Variants in ROBO2 observed in about 807,000 individuals in gnomAD.
ROBO2 encodes the protein roundabout homolog 2.
Under a neutral mutation model 160.8 loss-of-function variants are expected in ROBO2, and 53 were observed. The observed-to-expected ratio is 0.33, with a 90% confidence interval of 0.26 to 0.41. The LOEUF is 0.41. ROBO2 is among the 10% of genes least tolerant of loss of function. ROBO2 has a pLI of 1.00. For missense variants in ROBO2, 1,577 were observed against 1,722.4 expected (o/e 0.92, Z 1.49); for synonymous variants, 664 against 611.7 (o/e 1.09, Z -1.26).
intron 2 of ROBO2, among the ~76,000 whole-genome samples, chr3:76,294,654 C>T (rs1017602580): frequency 6.6e-6 from 1 of 152,076 alleles, no homozygotes; most frequent in Non-Finnish European, 1.5e-5. Context: ...ATAGTAGAGA[C>T]AGGAACTGTC....
chr3:76,811,822 C>CTTCCTTCCTTCCTTCT (rs1311247500), intron 2 of ROBO2, among the ~76,000 whole-genome samples: 20 of 68,546 alleles, frequency 2.9e-4, no homozygotes, highest in Non-Finnish European at 5.5e-4. Flanking sequence ...TCCTTCCTTC[C>CTTCCTTCCTTCCTTCT]TTCCTTCCTT....
intron 2 of ROBO2, among the ~76,000 whole-genome samples, chr3:76,968,891 A>G (rs1184928518): frequency 2.0e-5 from 3 of 152,130 alleles, no homozygotes; most frequent in Admixed American, 2.0e-4. Flanking sequence ...AAGAGTTGGT[A>G]TTTCCAATTT....
At chr3:76,179,029 T>C (rs1382363564) in intron 2 of ROBO2, among the ~76,000 whole-genome samples, 2 of 152,120 alleles carry the variant, frequency 1.3e-5, no homozygotes, top group African/African-American at 4.8e-5. Flanking sequence ...AAAGGGTATT[T>C]TAAGTTAGAA....
intron 2 of ROBO2, among the ~76,000 whole-genome samples, chr3:76,550,979 C>T (rs1004467731): frequency 4.0e-5 from 6 of 151,676 alleles, no homozygotes; most frequent in East Asian, 2.0e-4. Context: ...GGTTCCTGGG[C>T]GGAAAGTGTT....
chr3:76,381,057 T>G (rs965496357), intron 2 of ROBO2, among the ~76,000 whole-genome samples: 1 of 145,158 alleles, frequency 6.9e-6, no homozygotes. Context: ...AAAAAGCAGA[T>G]AAATAGCACA....
intron 1 of ROBO2, among the ~76,000 whole-genome samples, chr3:77,063,075 G>A (rs2066484469): frequency 6.6e-6 from 1 of 152,170 alleles, no homozygotes; most frequent in South Asian, 2.1e-4. Flanking sequence ...GAATACTGTA[G>A]AGCATCATCA....
intron 6 of ROBO2, among the ~76,000 whole-genome samples, chr3:77,533,246 A>G (rs1027835810): frequency 1.3e-5 from 2 of 152,132 alleles, no homozygotes; most frequent in Non-Finnish European, 2.9e-5. Flanking sequence ...GCATTTTCCT[A>G]TAAGACTCTC....
intron 5 of ROBO2, among the ~76,000 whole-genome samples, chr3:77,504,827 A>G (rs2088230933): frequency 6.6e-6 from 1 of 152,238 alleles, no homozygotes; most frequent in Non-Finnish European, 1.5e-5. Flanking sequence ...AACTATATAC[A>G]AACTATGATA....
chr3:77,375,729 C>T (rs1253065969), intron 2 of ROBO2, among the ~76,000 whole-genome samples: 1 of 152,178 alleles, frequency 6.6e-6, no homozygotes. Flanking sequence ...CTAGGACAAA[C>T]ATTGATGTGT....
chr3:77,119,248 T>C (rs1053289388), intron 2 of ROBO2, among the ~76,000 whole-genome samples: 1 of 152,200 alleles, frequency 6.6e-6, no homozygotes, highest in African/African-American at 2.4e-5. Flanking sequence ...TTACCCAGTC[T>C]CAGGTAGTTC....
chr3:75,913,881 T>C (rs1448745234), intron 1 of ROBO2, among the ~76,000 whole-genome samples: 2 of 152,170 alleles, frequency 1.3e-5, no homozygotes, highest in Admixed American at 1.3e-4. Flanking sequence ...CAAACATTCG[T>C]TGTGAATATT....
chr3:77,277,525 C>T (rs1482546573), intron 2 of ROBO2, among the ~76,000 whole-genome samples: 1 of 152,088 alleles, frequency 6.6e-6, no homozygotes, highest in Non-Finnish European at 1.5e-5. Context: ...CATCGTTCAT[C>T]TCTCACTTAT....
chr3:77,084,209 C>T lies in ROBO2; in HGVS notation c.62-13805C>T, dbSNP rs547810699. Among the ~76,000 whole-genome samples the T allele has an allele frequency of 2.6e-5, 4 of 151,980 alleles. No individual in the cohort carries two copies. The South Asian group carries it at 8.4e-4, about 32-fold the overall frequency. On this transcript the variant is annotated intron_variant, in intron 1 of 25. Coordinates refer to ENST00000461745, the Ensembl canonical transcript of ROBO2. ...TAAAAAAAATTTCAACAGCAGTGAG[C>T]GCATCACTAAAACACTAAAATTCAG...
intron 2 of ROBO2, among the ~76,000 whole-genome samples, chr3:76,812,415 C>T (rs1390589622): frequency 2.0e-5 from 3 of 146,934 alleles, no homozygotes; most frequent in Non-Finnish European, 4.4e-5. Context: ...ATTTGAGCAT[C>T]GCAGCCCTTA....
intron 2 of ROBO2, among the ~76,000 whole-genome samples, chr3:77,321,414 G>T (rs1047181109): frequency 1.3e-5 from 2 of 152,030 alleles, no homozygotes; most frequent in African/African-American, 4.8e-5. Context: ...CTGCTTGGGC[G>T]GTTGAGATAG....
intron 2 of ROBO2, among the ~76,000 whole-genome samples, chr3:77,217,393 T>G (rs1367979728): frequency 6.6e-6 from 1 of 152,136 alleles, no homozygotes; most frequent in East Asian, 1.9e-4. Context: ...TCTACCTGCC[T>G]CGGCCTCCCA....
At chr3:77,646,712 A>G (rs575776526) in exon 26 of ROBO2, 2 of 152,518 alleles carry the variant, frequency 1.3e-5, no homozygotes, top group South Asian at 4.1e-4. Flanking sequence ...AGTCAATAAA[A>G]AAAATAGTAG....
At chr3:76,011,350 A>G (rs190733594) in intron 2 of ROBO2, among the ~76,000 whole-genome samples, 6 of 152,312 alleles carry the variant, frequency 3.9e-5, no homozygotes, top group Non-Finnish European at 8.8e-5. Flanking sequence ...TAGCCACCAG[A>G]GCAAGACACA....
chr3:77,208,648 C>G (rs2083724770), intron 2 of ROBO2, among the ~76,000 whole-genome samples: 1 of 152,272 alleles, frequency 6.6e-6, no homozygotes, highest in Middle Eastern at 3.4e-3. Flanking sequence ...CAATCAGTCT[C>G]ATATGTGTTT....
Sources: allele counts gnomAD v4.1 joint callset (sites outside exome capture counted in the v4.1 genomes callset), GRCh38; gene constraint gnomAD v4.1.1; transcripts MANE v1.5; gene names NCBI Gene and HGNC (gene_info 2026-07-23, HGNC 2026-07-21).